The following PARP12 variants were observed in gnomAD, a reference collection of about 807,000 sequenced individuals.
PARP12 encodes protein mono-ADP-ribosyltransferase PARP12.
In PARP12, 59 loss-of-function variants were observed where a neutral mutation model predicts 72.4. The observed-to-expected ratio is 0.81, with a 90% CI of 0.66 to 1.01. The LOEUF (loss-of-function observed/expected upper bound fraction) is 1.01, where lower values mean the gene tolerates loss of function less well. Among genes scored for constraint, PARP12 ranks in the 50% least tolerant of loss-of-function variants. PARP12 has a pLI of 0.00. For synonymous variants in PARP12, 403 were observed against 371.4 expected (o/e 1.09, Z -0.98); for missense variants, 851 against 914.0 (o/e 0.93, Z 0.89).
intron 3 of PARP12, among the ~76,000 whole-genome samples, chr7:140,055,691 T>TA (rs1198368239): frequency 2.6e-5 from 4 of 152,252 alleles, no homozygotes; most frequent in African/African-American, 9.6e-5. Flanking sequence ...GACAAGGCTA[T>TA]AATCCAACTG....
intron 6 of PARP12, 68 bp downstream of exon 6, chr7:140,041,576 G>A (rs1410026547): frequency 3.2e-5 from 47 of 1,473,186 alleles, no homozygotes; most frequent in Non-Finnish European, 4.1e-5. Context: ...CAATATGGGG[G>A]CTCTTATTTG....
chr7:140,026,681 T>G (rs977394981), intron 10 of PARP12, among the ~76,000 whole-genome samples: 3 of 151,850 alleles, frequency 2.0e-5, no homozygotes, highest in Admixed American at 6.6e-5. Flanking sequence ...AGCTGAGCCC[T>G]GGGATGCTGT....
intron 5 of PARP12, among the ~76,000 whole-genome samples, chr7:140,045,362 G>A (rs1159441930): frequency 2.6e-5 from 4 of 152,184 alleles, no homozygotes; most frequent in Non-Finnish European, 5.9e-5. Flanking sequence ...AGTGATCTGA[G>A]TGTTTTATGC....
At chr7:140,058,408 G>A (rs1817281580) in intron 1 of PARP12, among the ~76,000 whole-genome samples, 1 of 152,044 alleles carries the variant, frequency 6.6e-6, no homozygotes, top group Non-Finnish European at 1.5e-5. Context: ...CTACTCTGGA[G>A]GCTGAGGCAG....
chr7:140,062,199 G>A (rs563526273), intron 1 of PARP12, among the ~76,000 whole-genome samples: 1 of 152,110 alleles, frequency 6.6e-6, no homozygotes, highest in South Asian at 2.1e-4. Flanking sequence ...CGGCGTCGTG[G>A]AGTTCCCCTA....
rs747101959 is a variant in PARP12, at chr7:140,056,945, G to A, written c.671C>T (p.Pro224Leu). 1 of 1,614,070 alleles carries A rather than the reference G, an allele frequency of 6.2e-7. No homozygotes were observed. Among genetic ancestry groups the A allele is most frequent in the Non-Finnish European group, 8.5e-7 (1 of 1,180,030 alleles). The change falls in exon 3 of 12, where the codon CCT (proline) becomes CTT (leucine). Residue 224 changes from proline (P) to leucine (L), a missense_variant. Pro to Leu is a moderately conservative substitution (Grantham distance 98). Transcript: ENST00000263549. ...GMSSDLVSRL[P>L]TIYRNAHDIK... The stretch of plus-strand genomic sequence containing the variant: ...GTCATGTGCATTTCTATAAATGGTA[G>A]GCAGCCTGCTCACCAGGTCTGAGCT...
intron 6 of PARP12, among the ~76,000 whole-genome samples, chr7:140,040,753 T>C (rs1816430701): frequency 6.6e-6 from 1 of 152,210 alleles, no homozygotes; most frequent in Non-Finnish European, 1.5e-5. Context: ...GAGTTCTTTA[T>C]CAATGGTGCC....
chr7:140,058,146 C>A lies in PARP12; in HGVS notation c.327-112G>T. The A allele has an allele frequency of 4.1e-6, 5 of 1,233,888 alleles. No homozygotes were observed. The South Asian group carries it at 5.4e-5, about 13-fold the overall frequency. The allele number at this position is 1,233,888 out of a possible 1,614,324, so 76.4% of individuals were successfully genotyped here. ...ATATGGCTCTATTTGGAAAGAAGGT[C>A]TCTAAAGAGGTAATTAAGTTAAAAA... On this transcript the variant is annotated intron_variant, in intron 1 of 11. Coordinates refer to ENST00000263549, the MANE Select transcript of PARP12 (RefSeq NM_022750.4).
chr7:140,047,048 C>A, intron 4 of PARP12, 41 bp from the exon 5 acceptor site: 2 of 1,578,668 alleles, frequency 1.3e-6, no homozygotes, highest in Non-Finnish European at 8.6e-7. Flanking sequence ...CTGGGCAATA[C>A]ACAGCATGCC....
chr7:140,062,351 G>A (rs1288167587), intron 1 of PARP12, among the ~76,000 whole-genome samples, 171 bp downstream of exon 1: 3 of 152,148 alleles, frequency 2.0e-5, no homozygotes, highest in Non-Finnish European at 4.4e-5. Context: ...CACTGTGCCA[G>A]GTACTCCGCA....
chr7:140,033,439 C>T lies in PARP12; in HGVS notation c.1421+796G>A, dbSNP rs568348908. 1.1e-4 allele frequency: 105 copies of T among 985,440 alleles called. 2 individuals carry two copies. In the South Asian group the frequency reaches 4.3e-3, roughly 41 times the overall value. The allele number at this position is 985,440 out of a possible 1,614,324, so 61.0% of individuals were successfully genotyped here. ...GGCGAACAGAAGGTGCAGCCAGCTA[C>T]CAGTAACACTGCCTAAAGTCCCAGC... On this transcript the variant is annotated intron_variant, in intron 8 of 11. Transcript: ENST00000263549.
chr7:140,028,425 G>A (rs1240743826), intron 9 of PARP12, among the ~76,000 whole-genome samples, 188 bp downstream of exon 9: 3 of 152,102 alleles, frequency 2.0e-5, no homozygotes, highest in Admixed American at 1.3e-4. Context: ...ACTCCTGGGT[G>A]GTGAAAAAAC....
intron 4 of PARP12, among the ~76,000 whole-genome samples, chr7:140,051,493 T>A (rs910200326): frequency 6.6e-5 from 10 of 151,784 alleles, no homozygotes; most frequent in African/African-American, 2.4e-4. Flanking sequence ...CGGGTTCAAG[T>A]GACTTTCCTG....
At chr7:140,026,392 C>T (rs778961156) in intron 10 of PARP12, 44 bp from the exon 11 acceptor site, 2 of 1,579,856 alleles carry the variant, frequency 1.3e-6, no homozygotes, top group South Asian at 1.1e-5. Context: ...AGTGTGCCGG[C>T]CACCAAATAC....
At position 140,039,222 on chromosome 7, in the gene PARP12, C is replaced by A. The variant is rs554570873; in HGVS notation, c.1183-1366G>T. On this transcript the variant is annotated intron_variant, in intron 6 of 11. Coordinates refer to ENST00000263549, the MANE Select transcript of PARP12 (RefSeq NM_022750.4). ...GAGGAAGAGGATGTGGCATAAAAATCCCTTTCTGACAACAAGAGGAAAGGA... is the reference window on the plus strand; with the variant it reads ...GAGGAAGAGGATGTGGCATAAAAATACCTTTCTGACAACAAGAGGAAAGGA... Among the ~76,000 whole-genome samples, 6 of 152,278 alleles carry A rather than the reference C, an allele frequency of 3.9e-5. No homozygotes were observed. In the East Asian group the frequency reaches 1.2e-3, roughly 29 times the overall value.
At chr7:140,026,724 C>T (rs1158824374) in intron 10 of PARP12, among the ~76,000 whole-genome samples, 1 of 152,156 alleles carries the variant, frequency 6.6e-6, no homozygotes, top group Non-Finnish European at 1.5e-5. Context: ...AGTGGGTGCC[C>T]ATCCTTCTCC....
chr7:140,033,668 C>T, intron 8 of PARP12: 1 of 985,448 alleles, frequency 1.0e-6, no homozygotes, highest in Non-Finnish European at 1.2e-6. Flanking sequence ...AATTTCCCCT[C>T]ATCTGCTATA....
chr7:140,039,934 GGAAA>G (rs1816388451), intron 6 of PARP12, among the ~76,000 whole-genome samples: 1 of 152,184 alleles, frequency 6.6e-6, no homozygotes. Flanking sequence ...GAGGAGCACA[GGAAA>G]GAAAGGGGCA....
chr7:140,042,123 C>T (rs1816501890), intron 5 of PARP12, among the ~76,000 whole-genome samples: 1 of 152,148 alleles, frequency 6.6e-6, no homozygotes, highest in African/African-American at 2.4e-5. Context: ...CACTGCTGAG[C>T]TGGCAAGAAA....
Sources: gnomAD v4.1 joint callset for allele counts (sites outside exome capture counted in the v4.1 genomes callset) on GRCh38, gnomAD v4.1.1 for gene constraint, MANE v1.5 for transcripts, NCBI Gene and HGNC (gene_info 2026-07-23, HGNC 2026-07-21) for gene names.